SPOP: variants seen among roughly 807,000 people sequenced by gnomAD.
SPOP encodes the protein speckle type BTB/POZ protein, also known as speckle-type POZ protein.
A neutral mutation model predicts 45.6 loss-of-function variants in SPOP; 11 were observed. The observed-to-expected ratio is 0.24, with a 90% CI of 0.15 to 0.40. The LOEUF (loss-of-function observed/expected upper bound fraction) is 0.40. Ranked by LOEUF, SPOP falls within the 10% of genes least tolerant of loss-of-function variation. SPOP has a pLI of 1.00. For missense variants in SPOP, 152 were observed against 465.6 expected, an observed-to-expected ratio of 0.33 and a Z score of 6.20; for synonymous variants, 166 against 166.3, an observed-to-expected ratio of 1.00 and a Z score of 0.01.
At chr17:49,670,768 T>C (rs1427670398) in intron 1 of SPOP, among the ~76,000 whole-genome samples, 2 of 152,322 alleles carry the variant, frequency 1.3e-5, no homozygotes, top group East Asian at 3.9e-4. Flanking sequence ...TTCCAGACCC[T>C]GAGTTAAGAC....
chr17:49,607,218 T>A (rs771653829), intron 8 of SPOP, 32 bp downstream of exon 8: 1 of 1,613,820 alleles, frequency 6.2e-7, no homozygotes, highest in South Asian at 1.1e-5. Flanking sequence ...CAATAACTCC[T>A]AGTCCTGATT....
At chr17:49,633,484 A>C (rs1017452602) in intron 1 of SPOP, among the ~76,000 whole-genome samples, 8 of 152,312 alleles carry the variant, frequency 5.3e-5, no homozygotes, top group African/African-American at 1.7e-4. Context: ...CTCAAAGGTT[A>C]AAATATGGAA....
At chr17:49,606,449 C>T (rs1235963183) in intron 8 of SPOP, among the ~76,000 whole-genome samples, 1 of 151,126 alleles carries the variant, frequency 6.6e-6, no homozygotes, top group Non-Finnish European at 1.5e-5. Context: ...AGGCACTGCA[C>T]ACCCAGCACC....
intron 6 of SPOP, among the ~76,000 whole-genome samples, chr17:49,608,551 T>C (rs1166717436): frequency 2.0e-5 from 3 of 152,234 alleles, no homozygotes; most frequent in African/African-American, 7.2e-5. Flanking sequence ...TCTTCTTCCT[T>C]AGTATTTTAT....
intron 5 of SPOP, among the ~76,000 whole-genome samples, chr17:49,614,843 GTA>G (rs1491067572): frequency 6.2e-5 from 8 of 129,138 alleles, no homozygotes; most frequent in African/African-American, 1.4e-4. Context: ...GTGTGTGTGT[GTA>G]TAAAACTATT....
At chr17:49,602,205 C>G (rs1304085976) in intron 8 of SPOP, 198 bp from the exon 9 acceptor site, 1 of 549,474 alleles carries the variant, frequency 1.8e-6, no homozygotes, top group African/African-American at 1.9e-5. Context: ...ATGTAAACAG[C>G]TAAAGTAACT....
chr17:49,619,181 A>G lies in SPOP; in HGVS notation c.352+53T>C. Reference sequence around the variant, plus strand: ...GATCAAAGCCACAACTTGTCAGTGTATGAAACTTCTGGATGTGAAACTTAA... The same window carrying G: ...GATCAAAGCCACAACTTGTCAGTGTGTGAAACTTCTGGATGTGAAACTTAA... On this transcript the variant is annotated intron_variant, in intron 4 of 9. Transcript: ENST00000504102. The surrounding 1 kb of genome is among the most constrained non-coding windows in gnomAD (Gnocchi z 4.9). 1 of 1,613,894 alleles carries G rather than the reference A, an allele frequency of 6.2e-7. No individual in the cohort carries two copies.
intron 1 of SPOP, among the ~76,000 whole-genome samples, chr17:49,643,560 G>A (rs1274132278): frequency 1.2e-4 from 18 of 152,116 alleles, no homozygotes; most frequent in Admixed American, 1.2e-3. Context: ...GGATCACACT[G>A]AACTTATAAA....
intron 1 of SPOP, among the ~76,000 whole-genome samples, chr17:49,660,943 G>A (rs1244037219): frequency 6.6e-6 from 1 of 152,196 alleles, no homozygotes. Flanking sequence ...TCCAGCCTGT[G>A]TGACAGAGCA....
intron 1 of SPOP, among the ~76,000 whole-genome samples, chr17:49,655,737 AC>A (rs2072900741): frequency 6.6e-6 from 1 of 152,228 alleles, no homozygotes; most frequent in African/African-American, 2.4e-5. Flanking sequence ...ATTTAAAACT[AC>A]TATATAATAA....
At chr17:49,642,246 TA>T (rs1267958185) in intron 1 of SPOP, among the ~76,000 whole-genome samples, 4 of 152,020 alleles carry the variant, frequency 2.6e-5, no homozygotes. Context: ...AAAAGGTTTT[TA>T]AAAGAAAGAA....
At chr17:49,615,243 T>C (rs1267124669) in intron 5 of SPOP, among the ~76,000 whole-genome samples, 4 of 152,204 alleles carry the variant, frequency 2.6e-5, no homozygotes, top group African/African-American at 4.8e-5. Context: ...ATATTTCACA[T>C]TTATGTTATT....
chr17:49,671,125 G>A (rs1319981098), intron 1 of SPOP, among the ~76,000 whole-genome samples: 2 of 152,018 alleles, frequency 1.3e-5, no homozygotes, highest in Admixed American at 6.6e-5. Context: ...TGCCTTTCAC[G>A]AAGAATATTC....
chr17:49,639,759 C>T (rs1196610798), intron 1 of SPOP, among the ~76,000 whole-genome samples: 3 of 152,082 alleles, frequency 2.0e-5, no homozygotes, highest in African/African-American at 7.2e-5. Flanking sequence ...ATATGATTAT[C>T]ACACATGTCA....
chr17:49,664,931 T>C (rs2073033396), intron 1 of SPOP, among the ~76,000 whole-genome samples: 1 of 152,208 alleles, frequency 6.6e-6, no homozygotes, highest in Admixed American at 6.5e-5. Flanking sequence ...AGCTATTTCC[T>C]TTTTCCTTTA....
chr17:49,643,231 G>A (rs2143448420), intron 1 of SPOP, among the ~76,000 whole-genome samples: 1 of 152,312 alleles, frequency 6.6e-6, no homozygotes, highest in South Asian at 2.1e-4. Context: ...TTAGAGAAGA[G>A]TAACAGTTTT....
chr17:49,664,264 A>G (rs2143544286), intron 1 of SPOP, among the ~76,000 whole-genome samples: 1 of 152,336 alleles, frequency 6.6e-6, no homozygotes, highest in Non-Finnish European at 1.5e-5. Context: ...ATGTTCTTTC[A>G]GGCCATATTT....
At chr17:49,674,798 G>A (rs962069684) in intron 1 of SPOP, among the ~76,000 whole-genome samples, 2 of 152,168 alleles carry the variant, frequency 1.3e-5, no homozygotes, top group Admixed American at 1.3e-4. Context: ...GGTTTTTTAT[G>A]TCTTCCTAGC....
At chr17:49,626,800 T>C (rs1010429779) in intron 1 of SPOP, among the ~76,000 whole-genome samples, 1 of 152,154 alleles carries the variant, frequency 6.6e-6, no homozygotes, top group African/African-American at 2.4e-5. Flanking sequence ...CACAGAGTAA[T>C]ACTCATAAAT....
Sources: allele counts gnomAD v4.1 joint callset (sites outside exome capture counted in the v4.1 genomes callset), GRCh38; gene constraint gnomAD v4.1.1; non-coding constraint Gnocchi (gnomAD v3.1); transcripts MANE v1.5; gene names NCBI Gene and HGNC (gene_info 2026-07-23, HGNC 2026-07-21).